GPR142: variants seen among roughly 807,000 people sequenced by gnomAD.
GPR142 encodes G-protein coupled receptor 142 long form.
In GPR142, 9 loss-of-function variants were observed where a neutral mutation model predicts 10.6. The ratio of observed to expected loss-of-function variants is 0.85; its 90% CI spans 0.51 to 1.48. The LOEUF is 1.48. GPR142 is among the 40% of genes most tolerant of loss of function. GPR142 has a pLI of 0.00. For synonymous variants in GPR142, 202 were observed against 221.2 expected, an observed-to-expected ratio of 0.91 and a Z score of 0.77; for missense variants, 482 against 506.0, an observed-to-expected ratio of 0.95 and a Z score of 0.45.
chr17:74,370,624 G>A lies in GPR142; in HGVS notation c.198G>A (p.Val66=). The part of the protein sequence containing the change: ...WPEIAERSPC[V]AGVIPVIYYS... ...AGATCGCAGAGAGGTCCCCGTGTGT[G>A]GCTGGCGTCATCCCTGTCATCTACT... The change falls in exon 3 of 4, where the codon GTG becomes GTA. Residue 66 remains valine, a synonymous_variant. Coordinates refer to ENST00000582579, the MANE Select transcript of GPR142 (RefSeq NM_001331076.1). The A allele has an allele frequency of 6.2e-7, 1 of 1,614,120 alleles. No individual in the cohort carries two copies. Among genetic ancestry groups the A allele is most frequent in the Non-Finnish European group, 8.5e-7 (1 of 1,180,004 alleles).
Position 74,367,802 on chromosome 17 carries a change from G to A in GPR142, c.-74+8G>A. On this transcript the variant is annotated splice_region_variant and intron_variant, in intron 1 of 3. Coordinates refer to ENST00000582579, the MANE Select transcript of GPR142 (RefSeq NM_001331076.1). ...CTTCTATGGGGTGGGATGGTAAGTT[G>A]CTGGAAGGACGTGCATGGGGCATCA... 6.3e-7 allele frequency: 1 copy of A among 1,590,090 alleles called. No homozygotes were observed. Among genetic ancestry groups the A allele is most frequent in the Non-Finnish European group, 8.6e-7 (1 of 1,167,100 alleles).
intron 3 of GPR142, 68 bp downstream of exon 3, chr17:74,370,747 C>T: frequency 2.0e-6 from 3 of 1,467,502 alleles, no homozygotes; most frequent in South Asian, 1.3e-5. Context: ...TCAATGGGTG[C>T]CAGTCCTCTG....
chr17:74,369,758 G>A, intron 2 of GPR142, 124 bp downstream of exon 2: 2 of 984,122 alleles, frequency 2.0e-6, no homozygotes, highest in Non-Finnish European at 2.9e-6. Flanking sequence ...TGAGCAGTGA[G>A]CCCCCCGGCC....
chr17:74,372,171 T>C lies in GPR142; in HGVS notation c.696T>C (p.Thr232=). The change falls in exon 4 of 4, where the codon ACT becomes ACC. Residue 232 remains threonine, a synonymous_variant. Transcript: ENST00000582579. ...TCCTCAAGTGGGCTCACTGTCTCAC[T>C]GTCTATTTCATCCCTTGTGGCGTGT... ...DEVLKWAHCL[T]VYFIPCGVFL... 1 of 1,614,144 alleles carries C rather than the reference T, an allele frequency of 6.2e-7. No homozygotes were observed. Among genetic ancestry groups the C allele is most frequent in the Non-Finnish European group, 8.5e-7 (1 of 1,180,010 alleles).
Position 74,370,693 on chromosome 17 carries a change from TG to T in GPR142, c.253+18del, listed in dbSNP as rs749180255. 3 of 1,602,564 alleles carry T rather than the reference TG, an allele frequency of 1.9e-6. No homozygotes were observed. In the Admixed American group the frequency reaches 5.1e-5, roughly 27 times the overall value. On this transcript the variant is annotated intron_variant, in intron 3 of 3. Coordinates refer to ENST00000582579, the MANE Select transcript of GPR142 (RefSeq NM_001331076.1). Reference sequence around the variant, plus strand: ...TGGGGCTGCCTGGTGAGTGGGGAGCTGGGGTCTGGGGACTTGGGCTTGGCCA... The same window carrying T: ...TGGGGCTGCCTGGTGAGTGGGGAGCTGGGTCTGGGGACTTGGGCTTGGCCA...
rs1281746427 is a variant in GPR142 at position 74,369,650 on chromosome 17, G to C, written c.94+16G>C. 3 of 1,542,238 alleles carry C rather than the reference G, an allele frequency of 1.9e-6. No individual in the cohort carries two copies. The highest frequency in any genetic ancestry group is 4.1e-5 in the Admixed American group (2 of 48,428). On this transcript the variant is annotated intron_variant, in intron 2 of 3. Coordinates refer to ENST00000582579, the MANE Select transcript of GPR142 (RefSeq NM_001331076.1). ...CGAGAGACAGGTAAGGCATCTTGAA[G>C]TGGGGTGTGCTGGGGGCAATAAGGT...
rs752830307 is a variant in GPR142 at position 74,367,617 on chromosome 17, A to G, written c.-251A>G. 33 of 1,614,082 alleles carry G rather than the reference A, an allele frequency of 2.0e-5. No individual in the cohort carries two copies. Among genetic ancestry groups the G allele is most frequent in the Admixed American group, 5.0e-5 (3 of 60,008 alleles). On this transcript the variant is annotated 5_prime_UTR_variant, in exon 1 of 4. It removes an upstream start codon present in the reference 5' UTR. Coordinates refer to ENST00000582579, the MANE Select transcript of GPR142 (RefSeq NM_001331076.1). ...AGCATATACTGAGGAAGACAAATCA[A>G]TGGTGTCCCATGCACAGAAAAGCCA...
chr17:74,372,520 A>G lies in GPR142; in HGVS notation c.1045A>G (p.Thr349Ala), dbSNP rs1390883190. ...QVIHDAYLPC[T>A]LASQPEGMAA... is the part of the protein sequence containing the mutation. ...CATCCACGATGCCTACCTGCCCTGC[A>G]CTTTGGCATCACAGCCAGAGGGCAT... The change falls in exon 4 of 4, where the codon ACT (threonine) becomes GCT (alanine). Residue 349 changes from threonine to alanine, a missense_variant. By Grantham distance (58) the Thr-to-Ala change is moderately conservative (BLOSUM62 0). Transcript: ENST00000582579. 1 of 1,613,164 alleles carries G rather than the reference A, an allele frequency of 6.2e-7. No homozygotes were observed. The highest frequency in any genetic ancestry group is 2.2e-5 in the East Asian group (1 of 44,894).
At position 74,367,607 on chromosome 17, in the gene GPR142, A is replaced by C. The variant is rs1333591412; in HGVS notation, c.-261A>C. ...TGGGTACAGAAGCATATACTGAGGA[A>C]GACAAATCAATGGTGTCCCATGCAC... On this transcript the variant is annotated 5_prime_UTR_variant, in exon 1 of 4. Transcript: ENST00000582579. 1 of 1,614,198 alleles carries C rather than the reference A, an allele frequency of 6.2e-7. No homozygotes were observed. Among genetic ancestry groups the C allele is most frequent in the Non-Finnish European group, 8.5e-7 (1 of 1,180,034 alleles).
In GPR142 at chr17:74,371,889, G is replaced by C. The variant is rs1330097696; in HGVS notation, c.414G>C (p.Val138=). 8 of 1,613,238 alleles carry C rather than the reference G, an allele frequency of 5.0e-6. No homozygotes were observed. Among genetic ancestry groups the C allele is most frequent in the Non-Finnish European group, 6.8e-6 (8 of 1,180,004 alleles). Residue 138 remains valine, a synonymous_variant, in exon 4 of 4, where the codon GTG becomes GTC. Transcript: ENST00000582579. ...AGGGAGCAGTGCTGGCCCGCCAGGTGCCCCAGGCTGTGGTGCGCACGGCCA... is the reference window on the plus strand; with the variant it reads ...AGGGAGCAGTGCTGGCCCGCCAGGTCCCCCAGGCTGTGGTGCGCACGGCCA... ...LLQGAVLARQ[V]PQAVVRTANI...
At position 74,370,614 on chromosome 17, in the gene GPR142, C is replaced by A; in HGVS notation, c.188C>A (p.Ser63Tyr). 1 of 1,613,940 alleles carries A rather than the reference C, an allele frequency of 6.2e-7. No homozygotes were observed. Among genetic ancestry groups the A allele is most frequent in the Non-Finnish European group, 8.5e-7 (1 of 1,179,970 alleles). ...ESHWPEIAER[S>Y]PCVAGVIPVI... ...CACTGGCCAGAGATCGCAGAGAGGT[C>A]CCCGTGTGTGGCTGGCGTCATCCCT... The change falls in exon 3 of 4, where the codon TCC becomes TAC. Residue 63 changes from serine to tyrosine, a missense_variant. By Grantham distance (144) the Ser-to-Tyr change is moderately radical. Transcript: ENST00000582579.
chr17:74,370,550 A>G lies in GPR142; in HGVS notation c.124A>G (p.Thr42Ala). Residue 42 changes from threonine (T) to alanine (A), a missense_variant, in exon 3 of 4, where the codon ACG becomes GCG. Physicochemically the swap from Thr to Ala is moderately conservative, Grantham distance 58. Transcript: ENST00000582579. ...CCAGCCACGAGTGACCCTGCTGCCC[A>G]CGCCCCACGTCAGCGGGCTGAGCCA... ...AGQPRVTLLP[T>A]PHVSGLSQEF... 2 of 1,612,666 alleles carry G rather than the reference A, an allele frequency of 1.2e-6. No homozygotes were observed. The highest frequency in any genetic ancestry group is 1.7e-6 in the Non-Finnish European group (2 of 1,179,364).
intron 1 of GPR142, among the ~76,000 whole-genome samples, chr17:74,368,484 G>C (rs142774845): frequency 2.0e-5 from 3 of 152,162 alleles, no homozygotes; most frequent in African/African-American, 4.8e-5. Flanking sequence ...TCCGAGGGGG[G>C]GTTGGGATGG....
chr17:74,368,724 T>G (rs1272377075), intron 1 of GPR142, among the ~76,000 whole-genome samples: 1 of 152,170 alleles, frequency 6.6e-6, no homozygotes, highest in African/African-American at 2.4e-5. Flanking sequence ...TGGCCTCTTC[T>G]GAGTGCACAC....
intron 1 of GPR142, among the ~76,000 whole-genome samples, chr17:74,369,008 G>A (rs1598409623): frequency 6.6e-6 from 1 of 152,084 alleles, no homozygotes; most frequent in East Asian, 1.9e-4. Context: ...AGCCCTGTCT[G>A]TGGCAGCCTT....
Position 74,371,961 on chromosome 17 carries a change from C to A in GPR142, c.486C>A (p.Ile162=), listed in dbSNP as rs2055030497. 1.2e-6 allele frequency: 2 copies of A among 1,612,712 alleles called. No homozygotes were observed. The highest frequency in any genetic ancestry group is 3.3e-5 in the Admixed American group (2 of 60,006). ...AANHASVWIA[I]LLTVDRYTAL... ...ACCACGCCTCAGTCTGGATCGCCAT[C>A]CTGCTCACGGTTGACCGCTACACTG... Residue 162 remains isoleucine (I), a synonymous_variant, in exon 4 of 4, where the codon ATC becomes ATA. Coordinates refer to ENST00000582579, the MANE Select transcript of GPR142 (RefSeq NM_001331076.1).
At chr17:74,369,301 G>C (rs117982488) in intron 1 of GPR142, among the ~76,000 whole-genome samples, 167 bp from the exon 2 acceptor site, 17 of 151,952 alleles carry the variant, frequency 1.1e-4, no homozygotes, top group African/African-American at 4.1e-4. Context: ...CCCTCAGCTC[G>C]TCTCTCCTGA....
chr17:74,372,068 C>T lies in GPR142; in HGVS notation c.593C>T (p.Ala198Val). ...RRAIAAVLSA[A>V]LLTGIPFYWW... is the part of the protein sequence containing the mutation. Reference sequence around the variant, plus strand: ...GCCATTGCTGCTGTCCTGAGTGCTGCCCTGTTGACCGGCATCCCCTTCTAC... The same window carrying T: ...GCCATTGCTGCTGTCCTGAGTGCTGTCCTGTTGACCGGCATCCCCTTCTAC... The change falls in exon 4 of 4, where the codon GCC becomes GTC. Residue 198 changes from alanine (A) to valine (V), a missense_variant. Ala to Val is a moderately conservative substitution (Grantham distance 64, BLOSUM62 0). Coordinates refer to ENST00000582579, the MANE Select transcript of GPR142 (RefSeq NM_001331076.1). 1 of 1,614,216 alleles carries T rather than the reference C, an allele frequency of 6.2e-7. No homozygotes were observed. Among genetic ancestry groups the T allele is most frequent in the East Asian group, 2.2e-5 (1 of 44,888 alleles).
At chr17:74,367,915 C>CA in intron 1 of GPR142, 121 bp downstream of exon 1, 1 of 952,858 alleles carries the variant, frequency 1.0e-6, no homozygotes, top group South Asian at 1.8e-5. Context: ...GCCTGTGTGA[C>CA]AGCCTTGGTT....
Sources: gnomAD v4.1 joint callset for allele counts (sites outside exome capture counted in the v4.1 genomes callset) on GRCh38, gnomAD v4.1.1 for gene constraint, MANE v1.5 for transcripts, NCBI Gene and HGNC (gene_info 2026-07-23, HGNC 2026-07-21) for gene names.